Variants in SLC9B2 observed in about 807,000 individuals in gnomAD.
SLC9B2 encodes the protein solute carrier family 9 member B2.
SLC9B2 carries 39 observed loss-of-function variants against 52.2 expected under a neutral mutation model. That is an observed-to-expected ratio of 0.75 (90% confidence interval 0.58 to 0.98). SLC9B2 has a LOEUF of 0.98. Among genes scored for constraint, SLC9B2 ranks in the 50% least tolerant of loss-of-function variants. The pLI, the probability that SLC9B2 is intolerant of heterozygous loss-of-function variation, is 0.00. For missense variants in SLC9B2, 626 were observed against 637.5 expected (o/e 0.98, Z 0.19); for synonymous variants, 214 against 227.0 (o/e 0.94, Z 0.51).
At position 103,031,775 on chromosome 4, in the gene SLC9B2, C is replaced by T. The variant is rs1238475997; in HGVS notation, c.1180G>A (p.Asp394Asn). Residue 394 changes from aspartate (D) to asparagine (N), a missense_variant, in exon 10 of 12, where the codon GAC becomes AAC. Physicochemically the swap from Asp to Asn is conservative, Grantham distance 23. Transcript: ENST00000394785. ...EVEKIIAVAW[D>N]IFQPLLFGLI... Reference sequence around the variant, plus strand: ...CCAAAAAGAAGGGGCTGAAAAATGTCCCAGGCAACTGCAATTATCTTTTCA... The same window carrying T: ...CCAAAAAGAAGGGGCTGAAAAATGTTCCAGGCAACTGCAATTATCTTTTCA... 2 of 1,612,718 alleles carry T rather than the reference C, an allele frequency of 1.2e-6. No individual in the cohort carries two copies. Among genetic ancestry groups the T allele is most frequent in the East Asian group, 4.5e-5 (2 of 44,780 alleles).
chr4:103,060,067 C>T (rs1343680456), intron 3 of SLC9B2, among the ~76,000 whole-genome samples: 4 of 151,290 alleles, frequency 2.6e-5, no homozygotes, highest in Middle Eastern at 3.4e-3. Context: ...TTTGGTTTTC[C>T]TTTCAGTATG....
At position 103,055,865 on chromosome 4, in the gene SLC9B2, G is replaced by A. The variant is rs142124502; in HGVS notation, c.442+1936C>T. Among the ~76,000 whole-genome samples the A allele has an allele frequency of 2.0e-3, 298 of 149,630 alleles. 1 individual carries two copies. Among genetic ancestry groups the A allele is most frequent in the African/African-American group, 6.6e-3 (269 of 40,552 alleles). ...GTCACCCAGGCTGGAGTGCAGTGGCGCGATCTCGGCTCACTGCATGCTCCA... is the reference window on the plus strand; with the variant it reads ...GTCACCCAGGCTGGAGTGCAGTGGCACGATCTCGGCTCACTGCATGCTCCA... On this transcript the variant is annotated intron_variant, in intron 4 of 11. Coordinates refer to ENST00000394785, the MANE Select transcript of SLC9B2 (RefSeq NM_178833.7).
rs1041181502 is a variant in SLC9B2, at chr4:103,022,334, CA to C, written c.*4035del. 2.6e-5 allele frequency among the ~76,000 whole-genome samples: 4 copies of C among 152,008 alleles called. No individual in the cohort carries two copies. The highest frequency in any genetic ancestry group is 7.2e-5 in the African/African-American group (3 of 41,410). ...ATGAAGGCTTAGCATTCATTATATACAAAAAAATTCTTCAATCTACATAGCA... is the reference window on the plus strand; with the variant it reads ...ATGAAGGCTTAGCATTCATTATATACAAAAAATTCTTCAATCTACATAGCA... On this transcript the variant is annotated 3_prime_UTR_variant, in exon 12 of 12. Coordinates refer to ENST00000394785, the MANE Select transcript of SLC9B2 (RefSeq NM_178833.7).
downstream of SLC9B2, chr4:103,019,975 C>T (rs2110554901): frequency 2.1e-6 from 2 of 967,256 alleles, no homozygotes; most frequent in Non-Finnish European, 2.5e-6. Context: ...GTAAACTTGT[C>T]AAAACTCAGA....
intron 4 of SLC9B2, among the ~76,000 whole-genome samples, chr4:103,050,628 T>G (rs923160173): frequency 1.4e-4 from 22 of 152,236 alleles, no homozygotes; most frequent in Non-Finnish European, 2.9e-4. Flanking sequence ...GGAGACAAGA[T>G]GCAGCATTTG....
intron 3 of SLC9B2, chr4:103,065,447 G>A (rs1281087134): frequency 6.6e-6 from 1 of 151,988 alleles, no homozygotes; most frequent in Non-Finnish European, 1.5e-5. Flanking sequence ...ATTCCAGTAT[G>A]TATACATACT....
At chr4:103,059,317 G>A (rs1222417718) in intron 3 of SLC9B2, among the ~76,000 whole-genome samples, 2 of 152,076 alleles carry the variant, frequency 1.3e-5, no homozygotes, top group African/African-American at 4.8e-5. Flanking sequence ...ACTTCAAGAT[G>A]GAAATTCTTG....
chr4:103,056,719 A>G (rs1327048388), intron 4 of SLC9B2, among the ~76,000 whole-genome samples: 4 of 152,240 alleles, frequency 2.6e-5, no homozygotes, highest in African/African-American at 9.6e-5. Context: ...AATTCTATAT[A>G]GCCAATTTAT....
At chr4:103,058,765 C>A (rs1192696415) in intron 3 of SLC9B2, among the ~76,000 whole-genome samples, 5 of 151,152 alleles carry the variant, frequency 3.3e-5, no homozygotes, top group African/African-American at 1.2e-4. Context: ...AAAAGCATTT[C>A]TATAAGAATG....
chr4:103,049,109 C>T (rs1744433907), intron 5 of SLC9B2, 89 bp from the exon 6 acceptor site: 1 of 1,451,592 alleles, frequency 6.9e-7, no homozygotes, highest in Admixed American at 2.2e-5. Flanking sequence ...GTATATGGAC[C>T]ACGTCTGGGT....
chr4:103,019,800 T>C (rs922045075), downstream of SLC9B2: 16 of 985,662 alleles, frequency 1.6e-5, no homozygotes, highest in Non-Finnish European at 1.9e-5. Flanking sequence ...AGGCGAGGGT[T>C]CTGGGGTTTC....
rs750589561 is a variant in SLC9B2 at position 103,028,875 on chromosome 4, C to T, written c.1264G>A (p.Val422Ile). Residue 422 changes from valine (V) to isoleucine (I), a missense_variant, in exon 11 of 12, where the codon GTT becomes ATT. Transcript: ENST00000394785. ...SLRPETVGLC[V>I]ATVGIAVLIR... ...AATACTGCAATGCCTACGGTGGCAA[C>T]ACAAAGGCCTGTAAGAAATATTCAA... 1 of 1,574,846 alleles carries T rather than the reference C, an allele frequency of 6.3e-7. No homozygotes were observed. Among genetic ancestry groups the T allele is most frequent in the Non-Finnish European group, 8.6e-7 (1 of 1,167,078 alleles).
chr4:103,028,929 G>A (rs1422325285), intron 10 of SLC9B2, 46 bp from the exon 11 acceptor site: 2 of 1,437,564 alleles, frequency 1.4e-6, no homozygotes, highest in East Asian at 2.7e-5. Context: ...TACTAGGAGA[G>A]AAACTGCATC....
intron 11 of SLC9B2, among the ~76,000 whole-genome samples, chr4:103,028,013 A>G (rs1326634192): frequency 6.6e-6 from 1 of 152,200 alleles, no homozygotes; most frequent in Non-Finnish European, 1.5e-5. Flanking sequence ...GTCTGAAAAT[A>G]TACAACCAAA....
At position 103,024,927 on chromosome 4, in the gene SLC9B2, C is replaced by G. The variant is rs1742073741; in HGVS notation, c.*1443G>C. ...CTGGCAAGTCACAATTTCTGAAATC[C>G]CTGCCATAGAAGTCACTCTTTTGGT... On this transcript the variant is annotated 3_prime_UTR_variant, in exon 12 of 12. Transcript: ENST00000394785. Among the ~76,000 whole-genome samples, 1 of 152,110 alleles carries G rather than the reference C, an allele frequency of 6.6e-6. No homozygotes were observed. Among genetic ancestry groups the G allele is most frequent in the Non-Finnish European group, 1.5e-5 (1 of 68,016 alleles).
chr4:103,020,571 AT>A (rs1437191773), downstream of SLC9B2, among the ~76,000 whole-genome samples: 2 of 152,100 alleles, frequency 1.3e-5, no homozygotes, highest in African/African-American at 4.8e-5. Context: ...TTTCTTAGTC[AT>A]CATCTAAGAT....
Position 103,024,829 on chromosome 4 carries a change from C to A in SLC9B2, c.*1541G>T, listed in dbSNP as rs1742066422. ...GGAACTTATGAGTGATACACAAAAG[C>A]AGAGATGGCCTGTTACAAAGTAGGA... On this transcript the variant is annotated 3_prime_UTR_variant, in exon 12 of 12. Transcript: ENST00000394785. Among the ~76,000 whole-genome samples the A allele has an allele frequency of 6.6e-6, 1 of 152,152 alleles. No individual in the cohort carries two copies. The highest frequency in any genetic ancestry group is 1.5e-5 in the Non-Finnish European group (1 of 68,030).
At chr4:103,066,012 AG>A (rs1560560089) in intron 3 of SLC9B2, among the ~76,000 whole-genome samples, 1 of 152,232 alleles carries the variant, frequency 6.6e-6, no homozygotes, top group Non-Finnish European at 1.5e-5. Flanking sequence ...AGTGTTTTAC[AG>A]TCCTAACGTA....
intron 1 of SLC9B2, among the ~76,000 whole-genome samples, chr4:103,069,966 T>C (rs1008565012): frequency 2.6e-5 from 4 of 152,242 alleles, no homozygotes; most frequent in Non-Finnish European, 5.9e-5. Flanking sequence ...CAACTTGGCA[T>C]GTTATGCCAT....
Sources: gnomAD v4.1 joint callset for allele counts (sites outside exome capture counted in the v4.1 genomes callset) on GRCh38, gnomAD v4.1.1 for gene constraint, MANE v1.5 for transcripts, NCBI Gene and HGNC (gene_info 2026-07-23, HGNC 2026-07-21) for gene names.